The following PAFAH1B1 variants were observed in gnomAD, a reference collection of about 807,000 sequenced individuals.
PAFAH1B1 encodes the protein platelet-activating factor acetylhydrolase IB subunit beta.
In PAFAH1B1, 2 loss-of-function variants were observed where a neutral mutation model predicts 57.5. The observed-to-expected ratio is 0.03, with a 90% CI of 0.01 to 0.11. The LOEUF (loss-of-function observed/expected upper bound fraction) is 0.11, where lower values mean the gene tolerates loss of function less well. Ranked by LOEUF, PAFAH1B1 falls within the 10% of genes least tolerant of loss-of-function variation. The probability of loss-of-function intolerance (pLI) is 1.00; values close to 1 mark genes in which losing one functional copy is unlikely to be tolerated. For synonymous variants in PAFAH1B1, 152 were observed against 169.6 expected, an observed-to-expected ratio of 0.90 and a Z score of 0.81; for missense variants, 257 against 512.0, an observed-to-expected ratio of 0.50 and a Z score of 4.81.
chr17:2,663,817 T>C (rs998514477), intron 2 of PAFAH1B1, among the ~76,000 whole-genome samples: 3 of 151,880 alleles, frequency 2.0e-5, no homozygotes, highest in African/African-American at 7.3e-5. Flanking sequence ...GCGTCAGTCT[T>C]CCAAGTAGCT....
At chr17:2,626,383 C>T (rs1460901639) in intron 1 of PAFAH1B1, among the ~76,000 whole-genome samples, 1 of 152,068 alleles carries the variant, frequency 6.6e-6, no homozygotes, top group African/African-American at 2.4e-5. Context: ...CTTGTGCTTT[C>T]TGATAGCAAA....
At chr17:2,645,732 G>C (rs1235853548) in intron 2 of PAFAH1B1, among the ~76,000 whole-genome samples, 1 of 151,480 alleles carries the variant, frequency 6.6e-6, no homozygotes, top group African/African-American at 2.4e-5. Context: ...AGCCTCCCGA[G>C]TAGCTGGGAC....
At chr17:2,643,375 C>G (rs923604182) in intron 2 of PAFAH1B1, among the ~76,000 whole-genome samples, 26 of 152,164 alleles carry the variant, frequency 1.7e-4, no homozygotes, top group African/African-American at 4.8e-4. Context: ...TGCCTCTGCC[C>G]CCCTAATAGC....
At chr17:2,637,762 A>G (rs1247707070) in intron 1 of PAFAH1B1, among the ~76,000 whole-genome samples, 1 of 152,130 alleles carries the variant, frequency 6.6e-6, no homozygotes, top group East Asian at 1.9e-4. Context: ...TAAATTTGAA[A>G]TTTTACTTTT....
At position 2,666,264 on chromosome 17, in the gene PAFAH1B1, T is replaced by C. The variant is rs111612096; in HGVS notation, c.192+174T>C. 0.015 allele frequency among the ~76,000 whole-genome samples: 2,213 copies of C among 152,314 alleles called. 65 individuals carry two copies. The highest frequency in any genetic ancestry group is 0.051 in the African/African-American group (2,136 of 41,560). The stretch of plus-strand genomic sequence containing the variant: ...TAGGCATATTATTGCAGATACATGG[T>C]AATTCACATATCTGGAGTTGCTGAC... On this transcript the variant is annotated intron_variant, in intron 4 of 10. Coordinates refer to ENST00000397195, the MANE Select transcript of PAFAH1B1 (RefSeq NM_000430.4).
At chr17:2,613,474 C>A (rs114086496) in intron 1 of PAFAH1B1, 3,753 of 243,022 alleles carry the variant, frequency 0.015, 146 homozygotes, top group African/African-American at 0.08. Context: ...GCTGCAGCGG[C>A]AGAGCCATGG....
rs1178494724 is a variant in PAFAH1B1 at position 2,682,938 on chromosome 17, A to C, written c.*1136A>C. On this transcript the variant is annotated 3_prime_UTR_variant, in exon 11 of 11. Transcript: ENST00000397195. The stretch of plus-strand genomic sequence containing the variant: ...ATATGGGCCTATCTGTAAGTGGATA[A>C]GTCTGTATGTGTGTATCATACACAT... 1.3e-5 allele frequency: 2 copies of C among 152,668 alleles called. No homozygotes were observed. Among genetic ancestry groups the C allele is most frequent in the Non-Finnish European group, 2.9e-5 (2 of 68,038 alleles). 9.5% of individuals were successfully genotyped at this position (152,668 alleles called of 1,614,324 possible).
chr17:2,664,665 G>GCGCC, intron 2 of PAFAH1B1, among the ~76,000 whole-genome samples: 1 of 86,028 alleles, frequency 1.2e-5, no homozygotes, highest in Non-Finnish European at 2.6e-5. Context: ...TCTATCTATC[G>GCGCC]CTCTCTCTCT....
At chr17:2,610,045 A>G (rs996700274) in intron 1 of PAFAH1B1, among the ~76,000 whole-genome samples, 1 of 152,150 alleles carries the variant, frequency 6.6e-6, no homozygotes, top group African/African-American at 2.4e-5. Flanking sequence ...TCTGGTCTTG[A>G]ACTCCTGGCC....
chr17:2,650,833 T>C (rs1567546768), intron 2 of PAFAH1B1, among the ~76,000 whole-genome samples: 10 of 152,152 alleles, frequency 6.6e-5, no homozygotes, highest in Admixed American at 5.9e-4. Flanking sequence ...GTTTTTGTTT[T>C]GTTGTGTTTT....
intron 1 of PAFAH1B1, among the ~76,000 whole-genome samples, chr17:2,597,152 T>C (rs913146102): frequency 7.2e-5 from 11 of 152,170 alleles, no homozygotes; most frequent in African/African-American, 2.4e-4. Context: ...TTAAGGAGCT[T>C]TAGTTCCAAG....
rs566753478 is a variant in PAFAH1B1 at position 2,681,716 on chromosome 17, C to G, written c.1160-13C>G. The G allele has an allele frequency of 2.5e-6, 4 of 1,608,038 alleles. No individual in the cohort carries two copies. The Admixed American group carries it at 5.0e-5, about 20-fold the overall frequency. ...CGTGTGAGTTTTAAATAAACCATTT[C>G]TTTTTCTTTCAGATTTCCACAAGAC... On this transcript the variant is annotated splice_polypyrimidine_tract_variant and intron_variant, in intron 10 of 10. Coordinates refer to ENST00000397195, the MANE Select transcript of PAFAH1B1 (RefSeq NM_000430.4).
chr17:2,661,292 T>G (rs772455212), intron 2 of PAFAH1B1, among the ~76,000 whole-genome samples: 1 of 152,204 alleles, frequency 6.6e-6, no homozygotes, highest in Non-Finnish European at 1.5e-5. Flanking sequence ...TTTATGGTTT[T>G]GGGTTTTACA....
At chr17:2,611,222 C>G (rs919629917) in intron 1 of PAFAH1B1, among the ~76,000 whole-genome samples, 5 of 152,072 alleles carry the variant, frequency 3.3e-5, no homozygotes, top group Admixed American at 2.0e-4. Flanking sequence ...ATAATCTCAG[C>G]ACTTTGGGAG....
intron 1 of PAFAH1B1, among the ~76,000 whole-genome samples, chr17:2,600,480 G>A (rs1442729857): frequency 6.9e-6 from 1 of 144,832 alleles, no homozygotes; most frequent in Non-Finnish European, 1.5e-5. Context: ...TGAGACAGGA[G>A]AATTGCTTGA....
At chr17:2,652,200 G>A (rs920456140) in intron 2 of PAFAH1B1, among the ~76,000 whole-genome samples, 25 of 152,162 alleles carry the variant, frequency 1.6e-4, no homozygotes, top group African/African-American at 5.1e-4. Context: ...CACGAGGTCA[G>A]GAGATCGAGA....
Position 2,626,089 on chromosome 17 carries a change from A to G in PAFAH1B1, c.-190-12010A>G, listed in dbSNP as rs373966204. On this transcript the variant is annotated intron_variant, in intron 1 of 10. Transcript: ENST00000397195. ...AACATGGTGAAACCCTGTCTCTACT[A>G]AAAATACAAAAAAATTTAGCTAGGC... 1.8e-4 allele frequency among the ~76,000 whole-genome samples: 28 copies of G among 152,096 alleles called. No homozygotes were observed. The East Asian group carries it at 2.7e-3, about 15-fold the overall frequency.
chr17:2,619,208 G>A (rs1057230646), intron 1 of PAFAH1B1, among the ~76,000 whole-genome samples: 2 of 151,526 alleles, frequency 1.3e-5, no homozygotes, highest in African/African-American at 2.4e-5. Context: ...TTCGTGTAGC[G>A]GCGTAATCAC....
At chr17:2,610,116 G>A (rs2068251214) in intron 1 of PAFAH1B1, among the ~76,000 whole-genome samples, 1 of 152,222 alleles carries the variant, frequency 6.6e-6, no homozygotes, top group African/African-American at 2.4e-5. Context: ...GAGCCACTGT[G>A]GCTGGCCAGT....
Sources: allele counts gnomAD v4.1 joint callset (sites outside exome capture counted in the v4.1 genomes callset), GRCh38; gene constraint gnomAD v4.1.1; transcripts MANE v1.5; gene names NCBI Gene and HGNC (gene_info 2026-07-23, HGNC 2026-07-21).